XPO4: variants seen among roughly 807,000 people sequenced by gnomAD.
XPO4 encodes exportin-4.
A neutral mutation model predicts 143.0 loss-of-function variants in XPO4; 39 were observed. The ratio of observed to expected loss-of-function variants is 0.27; its 90% CI spans 0.21 to 0.36. The LOEUF (loss-of-function observed/expected upper bound fraction) is 0.36. Ranked by LOEUF, XPO4 falls within the 10% of genes least tolerant of loss-of-function variation. XPO4 has a pLI of 1.00. For synonymous variants in XPO4, 439 were observed against 474.0 expected (o/e 0.93, Z 0.96); for missense variants, 907 against 1,348.0 (o/e 0.67, Z 5.12).
At chr13:20,873,264 A>AT (rs2060319339) in intron 1 of XPO4, among the ~76,000 whole-genome samples, 1 of 152,164 alleles carries the variant, frequency 6.6e-6, no homozygotes, top group Non-Finnish European at 1.5e-5. Context: ...GGAGAACACG[A>AT]TCACTGTTCT....
In XPO4 at chr13:20,799,275, G is replaced by A; in HGVS notation, c.2212C>T (p.Pro738Ser). The change falls in exon 16 of 23, where the codon CCA (proline) becomes TCA (serine). Residue 738 changes from proline (P) to serine (S), a missense_variant. By Grantham distance (74) the Pro-to-Ser change is moderately conservative. Coordinates refer to ENST00000255305, the MANE Select transcript of XPO4 (RefSeq NM_022459.5). ...GGACTTGACAAGAAATTAAGAGGTG[G>A]GCTTCGGCTTGCAAACTGCTTAGCT... is the stretch of plus-strand genomic sequence containing the variant. The part of the protein sequence containing the change: ...NLAKQFASRS[P>S]PLNFLSSPVQ... 6.2e-7 allele frequency: 1 copy of A among 1,613,986 alleles called. No homozygotes were observed. The highest frequency in any genetic ancestry group is 1.1e-5 in the South Asian group (1 of 91,060).
At chr13:20,840,272 A>G (rs1214375304) in intron 6 of XPO4, among the ~76,000 whole-genome samples, 2 of 152,078 alleles carry the variant, frequency 1.3e-5, no homozygotes, top group African/African-American at 2.4e-5. Flanking sequence ...CAGTGGCATG[A>G]TCATGGCTCA....
At chr13:20,833,856 G>A (rs2059882218) in intron 6 of XPO4, among the ~76,000 whole-genome samples, 1 of 152,176 alleles carries the variant, frequency 6.6e-6, no homozygotes, top group African/African-American at 2.4e-5. Flanking sequence ...TGTGAGTGCA[G>A]CTCTACCAGA....
At chr13:20,855,268 C>T (rs1055308418) in intron 4 of XPO4, among the ~76,000 whole-genome samples, 2 of 152,044 alleles carry the variant, frequency 1.3e-5, no homozygotes, top group Non-Finnish European at 2.9e-5. Context: ...CGAGCCTGAC[C>T]AACATGAAGA....
intron 18 of XPO4, among the ~76,000 whole-genome samples, chr13:20,794,941 T>C (rs939979920): frequency 1.3e-5 from 2 of 151,222 alleles, no homozygotes; most frequent in African/African-American, 2.4e-5. Flanking sequence ...GAGTAAACCT[T>C]CTACACTGTG....
At chr13:20,853,225 C>G (rs563237471) in intron 4 of XPO4, among the ~76,000 whole-genome samples, 2 of 150,130 alleles carry the variant, frequency 1.3e-5, no homozygotes, top group Non-Finnish European at 2.9e-5. Flanking sequence ...CCCAGCTACT[C>G]AGGAGAGACT....
chr13:20,810,460 C>T (rs993602092), intron 9 of XPO4, among the ~76,000 whole-genome samples: 4 of 152,130 alleles, frequency 2.6e-5, no homozygotes, highest in African/African-American at 9.7e-5. Flanking sequence ...ATGTAATACG[C>T]GTTGACTCAA....
intron 4 of XPO4, chr13:20,852,871 T>C: frequency 4.1e-6 from 4 of 985,092 alleles, no homozygotes; most frequent in Non-Finnish European, 4.8e-6. Flanking sequence ...TTAATATTTA[T>C]AAATACAAAT....
At chr13:20,788,073 G>C (rs202133024) in intron 20 of XPO4, among the ~76,000 whole-genome samples, 6 of 100,048 alleles carry the variant, frequency 6.0e-5, no homozygotes, top group African/African-American at 2.4e-4. Flanking sequence ...TTTTTTTTTT[G>C]AGATGGAGTT....
intron 3 of XPO4, among the ~76,000 whole-genome samples, chr13:20,860,290 A>G (rs139179999): frequency 6.6e-6 from 1 of 152,336 alleles, no homozygotes; most frequent in African/African-American, 2.4e-5. Context: ...ACCTTCCCAC[A>G]TATAAACTTC....
chr13:20,778,833 G>A lies in XPO4; in HGVS notation c.*4889C>T, dbSNP rs535102493. On this transcript the variant is annotated 3_prime_UTR_variant, in exon 23 of 23. Coordinates refer to ENST00000255305, the MANE Select transcript of XPO4 (RefSeq NM_022459.5). ...TCAATGCATTTCATAAAAGAGTCTA[G>A]CTAAATACCCATGAACAAATCACAC... The A allele has an allele frequency of 2.6e-5, 4 of 152,092 alleles. No homozygotes were observed. The highest frequency in any genetic ancestry group is 9.6e-5 in the African/African-American group (4 of 41,488). 9.4% of individuals were successfully genotyped at this position (152,092 alleles called of 1,614,324 possible).
intron 3 of XPO4, among the ~76,000 whole-genome samples, chr13:20,862,417 C>T (rs1433661945): frequency 6.6e-6 from 1 of 152,164 alleles, no homozygotes; most frequent in Non-Finnish European, 1.5e-5. Context: ...CCTACAATCA[C>T]GTGTATACAA....
At chr13:20,812,546 A>C (rs910157923) in intron 9 of XPO4, among the ~76,000 whole-genome samples, 3 of 152,140 alleles carry the variant, frequency 2.0e-5, no homozygotes, top group East Asian at 1.9e-4. Flanking sequence ...TAAAAAAAAA[A>C]CTTTCAACTA....
chr13:20,866,868 G>A (rs539942348), intron 2 of XPO4, among the ~76,000 whole-genome samples: 1 of 152,300 alleles, frequency 6.6e-6, no homozygotes, highest in South Asian at 2.1e-4. Flanking sequence ...ATACTTGTAA[G>A]TTAGATCAAC....
chr13:20,821,644 A>G (rs2059721234), intron 9 of XPO4, 60 bp downstream of exon 9: 1 of 1,534,988 alleles, frequency 6.5e-7, no homozygotes, highest in African/African-American at 1.4e-5. Context: ...GAAATGTTCC[A>G]AAGGCACCGC....
chr13:20,852,534 A>C (rs948178755), intron 4 of XPO4: 1 of 985,294 alleles, frequency 1.0e-6, no homozygotes, highest in African/African-American at 1.7e-5. Context: ...ACTCGTGTAG[A>C]CACTGCTGAA....
intron 19 of XPO4, among the ~76,000 whole-genome samples, chr13:20,789,553 C>G (rs2059250539): frequency 6.6e-6 from 1 of 151,740 alleles, no homozygotes; most frequent in African/African-American, 2.4e-5. Flanking sequence ...CACCACCACA[C>G]CCGGCTTTTT....
intron 1 of XPO4, among the ~76,000 whole-genome samples, chr13:20,890,229 C>T (rs11842700): frequency 0.058 from 8,811 of 151,788 alleles, 633 homozygotes; most frequent in African/African-American, 0.17. Context: ...GTGGGAGGAT[C>T]GCTTGAGCCC....
intron 1 of XPO4, among the ~76,000 whole-genome samples, chr13:20,900,694 C>A (rs1383613655): frequency 6.6e-6 from 1 of 151,588 alleles, no homozygotes; most frequent in East Asian, 2.0e-4. Flanking sequence ...CTCACTCCAA[C>A]CTCTGCCTCC....
Sources: gnomAD v4.1 joint callset for allele counts (sites outside exome capture counted in the v4.1 genomes callset) on GRCh38, gnomAD v4.1.1 for gene constraint, MANE v1.5 for transcripts, NCBI Gene and HGNC (gene_info 2026-07-23, HGNC 2026-07-21) for gene names.